TMIGD3: variants seen among roughly 807,000 people sequenced by gnomAD.
TMIGD3 encodes transmembrane and immunoglobulin domain containing 3.
TMIGD3 carries 21 observed loss-of-function variants against 28.1 expected under a neutral mutation model. That is an observed-to-expected ratio of 0.75 (90% CI 0.53 to 1.08). The LOEUF is 1.08. Ranked by LOEUF, TMIGD3 falls within the 50% of genes least tolerant of loss-of-function variation. TMIGD3 has a pLI of 0.00. For synonymous variants in TMIGD3, 151 were observed against 162.1 expected, an observed-to-expected ratio of 0.93 and a Z score of 0.52; for missense variants, 416 against 435.6, an observed-to-expected ratio of 0.96 and a Z score of 0.40.
intron 1 of TMIGD3, among the ~76,000 whole-genome samples, chr1:111,522,630 C>A (rs996458656): frequency 1.3e-5 from 2 of 151,962 alleles, no homozygotes; most frequent in Non-Finnish European, 1.5e-5. Flanking sequence ...AGTTCTCCTC[C>A]CTCAGCCTCC....
intron 1 of TMIGD3, among the ~76,000 whole-genome samples, chr1:111,538,126 A>G (rs1168661668): frequency 6.6e-6 from 1 of 152,230 alleles, no homozygotes; most frequent in Non-Finnish European, 1.5e-5. Flanking sequence ...AGCCATGAAA[A>G]ATACACTTCC....
intron 1 of TMIGD3, among the ~76,000 whole-genome samples, chr1:111,556,901 T>TTTTA (rs149251212): frequency 1.3e-5 from 2 of 148,312 alleles, no homozygotes; most frequent in Non-Finnish European, 3.0e-5. Flanking sequence ...ACATTTTACA[T>TTTTA]TATATATATG....
upstream of TMIGD3, among the ~76,000 whole-genome samples, chr1:111,506,910 A>G (rs1393541640): frequency 9.3e-6 from 1 of 107,882 alleles, no homozygotes. Context: ...ATATATATAT[A>G]TATTATATAT....
chr1:111,526,360 A>G (rs1656261198), intron 1 of TMIGD3, among the ~76,000 whole-genome samples: 1 of 152,042 alleles, frequency 6.6e-6, no homozygotes, highest in Non-Finnish European at 1.5e-5. Flanking sequence ...TTCTCATGAG[A>G]GCTAATGGTT....
chr1:111,542,698 T>A (rs1162116618), intron 1 of TMIGD3, among the ~76,000 whole-genome samples: 1 of 3,556 alleles, frequency 2.8e-4, no homozygotes, highest in Non-Finnish European at 0.024. Flanking sequence ...TTGTTTTTGT[T>A]TTTTTTTTCT....
rs1657438873 is a variant in TMIGD3 at position 111,555,303 on chromosome 1, T to C, written c.107+8543A>G. 2.2e-5 allele frequency among the ~76,000 whole-genome samples: 3 copies of C among 138,464 alleles called. No homozygotes were observed. In the Admixed American group the frequency reaches 2.4e-4, roughly 11 times the overall value. 90.8% of individuals were successfully genotyped at this position (138,464 alleles called of 152,430 possible). On this transcript the variant is annotated intron_variant, in intron 1 of 5. Coordinates refer to the TMIGD3 transcript ENST00000369717. ...ATTGCTTGAACCCAGGAGGCTGAGG[T>C]TGCAGTGAGCCAAGATTGTGCCACT...
At chr1:111,483,817 T>C in intron 5 of TMIGD3, 60 bp from the exon 6 acceptor site, 2 of 1,408,902 alleles carry the variant, frequency 1.4e-6, no homozygotes, top group South Asian at 2.3e-5. Context: ...CCCTGAAGAG[T>C]GTTTCTGCAG....
chr1:111,488,595 C>T, intron 3 of TMIGD3, 82 bp downstream of exon 3: 1 of 1,324,642 alleles, frequency 7.5e-7, no homozygotes, highest in Non-Finnish European at 1.0e-6. Flanking sequence ...TTGGGGCTCA[C>T]TGGCTTCAGA....
chr1:111,563,095 A>G (rs918971109), intron 1 of TMIGD3, among the ~76,000 whole-genome samples: 4 of 152,218 alleles, frequency 2.6e-5, no homozygotes. Context: ...ACAGCTAGTA[A>G]GTAAGCAAAA....
At chr1:111,547,176 A>G (rs1033594781) in intron 1 of TMIGD3, among the ~76,000 whole-genome samples, 13 of 152,044 alleles carry the variant, frequency 8.6e-5, no homozygotes, top group Non-Finnish European at 1.9e-4. Context: ...TTTTCATGAT[A>G]CTAGGGAGAA....
chr1:111,522,291 T>C (rs1656093421), intron 1 of TMIGD3, among the ~76,000 whole-genome samples: 1 of 152,232 alleles, frequency 6.6e-6, no homozygotes, highest in African/African-American at 2.4e-5. Flanking sequence ...TTTCAATTTC[T>C]TCAAAAAAGT....
intron 1 of TMIGD3, among the ~76,000 whole-genome samples, chr1:111,546,007 C>T (rs1331490662): frequency 6.6e-6 from 1 of 152,106 alleles, no homozygotes; most frequent in East Asian, 1.9e-4. Flanking sequence ...GTACCATACC[C>T]TTTAGAATAC....
chr1:111,487,160 C>A (rs1256747644), intron 3 of TMIGD3, among the ~76,000 whole-genome samples: 2 of 152,184 alleles, frequency 1.3e-5, no homozygotes, highest in African/African-American at 4.8e-5. Flanking sequence ...TCTGATAAGA[C>A]GTGGGAGAGG....
At chr1:111,529,376 C>CT (rs1016199558) in intron 1 of TMIGD3, among the ~76,000 whole-genome samples, 47 of 101,324 alleles carry the variant, frequency 4.6e-4, no homozygotes, top group East Asian at 1.0e-3. Flanking sequence ...TTCTTTCTTT[C>CT]TTTTTTTTTT....
rs114537069 is a variant in TMIGD3 at position 111,488,475 on chromosome 1, C to T, written c.805+202G>A. Among the ~76,000 whole-genome samples, 1,120 of 152,344 alleles carry T rather than the reference C, an allele frequency of 7.4e-3. 14 individuals carry two copies. The highest frequency in any genetic ancestry group is 0.026 in the African/African-American group (1,064 of 41,570). On this transcript the variant is annotated intron_variant, in intron 3 of 5. Transcript: ENST00000369716. ...AAAAGTGCCCCAGGGCGCAGACACC[C>T]TCCTTGTCCCCAACTTCCAGCTATT...
At chr1:111,499,868 T>C in intron 1 of TMIGD3, 2 of 1,551,486 alleles carry the variant, frequency 1.3e-6, no homozygotes, top group Middle Eastern at 1.7e-4. Context: ...TAAAAATCCC[T>C]TGGCCCAGGC....
At chr1:111,489,829 T>C (rs1267074677) in intron 2 of TMIGD3, 46 of 813,580 alleles carry the variant, frequency 5.7e-5, no homozygotes, top group Non-Finnish European at 6.9e-5. Context: ...AAGACCAGCA[T>C]AGGCACCTCT....
In TMIGD3 at chr1:111,485,590, T is replaced by C. The variant is rs1251048688; in HGVS notation, c.973+150A>G. 4 of 602,756 alleles carry C rather than the reference T, an allele frequency of 6.6e-6. No individual in the cohort carries two copies. The East Asian group carries it at 1.2e-4, about 18-fold the overall frequency. The allele number at this position is 602,756 out of a possible 1,614,324, so 37.3% of individuals were successfully genotyped here. A position where few individuals can be genotyped will look rare whatever the true frequency, so the allele number is the denominator to read the frequency against. ...TGATGCCTTGTCACCATCAAGCAGA[T>C]ATCTACCCCAGCCCATGGCTGGCTG... On this transcript the variant is annotated intron_variant, in intron 5 of 5. Transcript: ENST00000369716.
chr1:111,529,759 T>C (rs947516241), intron 1 of TMIGD3, among the ~76,000 whole-genome samples: 1 of 151,664 alleles, frequency 6.6e-6, no homozygotes, highest in Non-Finnish European at 1.5e-5. Context: ...AAGTCTCCCA[T>C]GTCTACCTCT....
Sources: gnomAD v4.1 joint callset for allele counts (sites outside exome capture counted in the v4.1 genomes callset) on GRCh38, gnomAD v4.1.1 for gene constraint, MANE v1.5 for transcripts, NCBI Gene and HGNC (gene_info 2026-07-23, HGNC 2026-07-21) for gene names.